CFAP99: variants seen among roughly 807,000 people sequenced by gnomAD.
CFAP99 encodes cilia and flagella associated protein 99.
Under a neutral mutation model 82.7 loss-of-function variants are expected in CFAP99, and 84 were observed. The ratio of observed to expected loss-of-function variants is 1.02; its 90% CI spans 0.85 to 1.22. The LOEUF is 1.22. Among genes scored for constraint, CFAP99 ranks in the 50% most tolerant of loss-of-function variants. The pLI is 0.00. For synonymous variants in CFAP99, 456 were observed against 429.5 expected, an observed-to-expected ratio of 1.06 and a Z score of -0.76; for missense variants, 1,059 against 983.5, an observed-to-expected ratio of 1.08 and a Z score of -1.03.
At chr4:2,425,089 T>C (rs1161828559) in intron 1 of CFAP99, among the ~76,000 whole-genome samples, 2 of 152,250 alleles carry the variant, frequency 1.3e-5, no homozygotes, top group African/African-American at 4.8e-5. Context: ...TTTATGTTTT[T>C]AGTTCTGTCA....
At chr4:2,461,715 CAA>C (rs1250042227) in intron 14 of CFAP99, among the ~76,000 whole-genome samples, 1 of 152,134 alleles carries the variant, frequency 6.6e-6, no homozygotes, top group Non-Finnish European at 1.5e-5. Flanking sequence ...GACAGTCAGA[CAA>C]GAGTGGTGGA....
rs576368820 is a variant in CFAP99 at position 2,457,206 on chromosome 4, G to A, written c.1162-1517G>A. Among the ~76,000 whole-genome samples, 134 of 152,130 alleles carry A rather than the reference G, an allele frequency of 8.8e-4. 1 individual carries two copies. The highest frequency in any genetic ancestry group is 7.7e-3 in the Admixed American group (118 of 15,288). On this transcript the variant is annotated intron_variant, in intron 11 of 14. Transcript: ENST00000635017. ...AATCCTCCCCCCTCAGCTTCCCCAC[G>A]CGCTGGGATTACAAGCGTGAGCCGC...
intron 2 of CFAP99, among the ~76,000 whole-genome samples, chr4:2,429,976 C>G (rs1733767271): frequency 6.6e-6 from 1 of 152,236 alleles, no homozygotes; most frequent in African/African-American, 2.4e-5. Flanking sequence ...TCGCTTTCCT[C>G]TCCAGCTATC....
At chr4:2,426,183 G>C (rs1452884334) in intron 1 of CFAP99, among the ~76,000 whole-genome samples, 1 of 152,140 alleles carries the variant, frequency 6.6e-6, no homozygotes, top group Non-Finnish European at 1.5e-5. Flanking sequence ...GGGGTGACCT[G>C]ATGGTGAACT....
At chr4:2,459,453 G>A (rs929321584) in intron 13 of CFAP99, among the ~76,000 whole-genome samples, 195 bp downstream of exon 13, 7 of 152,198 alleles carry the variant, frequency 4.6e-5, no homozygotes, top group African/African-American at 4.8e-5. Flanking sequence ...ACAAGCCTGC[G>A]GGCAAGGCAC....
exon 13 of CFAP99, chr4:2,459,237 C>T (rs1734517194): frequency 6.5e-7 from 1 of 1,534,898 alleles, no homozygotes. Context: ...CGCGCAAGGG[C>T]AAGCTCGTGG....
chr4:2,455,255 G>T (rs1360896906), intron 11 of CFAP99, among the ~76,000 whole-genome samples: 1 of 152,238 alleles, frequency 6.6e-6, no homozygotes, highest in Non-Finnish European at 1.5e-5. Flanking sequence ...GTTGCAGATT[G>T]CTTTTTTTCC....
intron 2 of CFAP99, among the ~76,000 whole-genome samples, chr4:2,432,217 C>T (rs1733814479): frequency 6.6e-6 from 1 of 152,128 alleles, no homozygotes; most frequent in African/African-American, 2.4e-5. Flanking sequence ...CATCTATATC[C>T]CAGGTGAGGA....
exon 3 of CFAP99, chr4:2,436,924 C>T (rs1198006606): frequency 5.2e-6 from 8 of 1,535,932 alleles, no homozygotes; most frequent in Middle Eastern, 3.3e-4. Flanking sequence ...TGTCTGGGTG[C>T]CTCGAGTACC....
intron 2 of CFAP99, among the ~76,000 whole-genome samples, chr4:2,430,586 C>T (rs965843613): frequency 9.9e-5 from 15 of 152,096 alleles, no homozygotes; most frequent in African/African-American, 2.9e-4. Context: ...TGGCAGACTC[C>T]GGACAGCAGA....
intron 1 of CFAP99, among the ~76,000 whole-genome samples, chr4:2,425,616 C>A (rs1271015812): frequency 6.6e-6 from 1 of 152,146 alleles, no homozygotes; most frequent in Non-Finnish European, 1.5e-5. Flanking sequence ...GAGAAGGGCC[C>A]CCCTCTGCCC....
chr4:2,438,028 C>T, intron 3 of CFAP99, 42 bp from the exon 4 acceptor site: 1 of 1,200,844 alleles, frequency 8.3e-7, no homozygotes. Context: ...GCCTGGTGCC[C>T]CGTGACGTCC....
At chr4:2,447,356 G>A (rs1468272971) in intron 6 of CFAP99, among the ~76,000 whole-genome samples, 1 of 152,002 alleles carries the variant, frequency 6.6e-6, no homozygotes, top group Non-Finnish European at 1.5e-5. Flanking sequence ...GTGGATGGGT[G>A]GATGGATGGA....
At position 2,458,873 on chromosome 4, in the gene CFAP99, G is replaced by A; in HGVS notation, c.1303+9G>A. ...GGGCCGACAGCAGACAGGTAGTCAG[G>A]AGCCAGATGTCACTGGCCCTACCCC... On this transcript the variant is annotated intron_variant, in intron 12 of 14. Coordinates refer to ENST00000635017, the Ensembl canonical transcript of CFAP99. 1 of 1,532,820 alleles carries A rather than the reference G, an allele frequency of 6.5e-7. No homozygotes were observed. The highest frequency in any genetic ancestry group is 8.7e-7 in the Non-Finnish European group (1 of 1,145,354). 95.0% of individuals were successfully genotyped at this position (1,532,820 alleles called of 1,614,324 possible). A position where few individuals can be genotyped will look rare whatever the true frequency, so the allele number is the denominator to read the frequency against.
At chr4:2,452,166 T>C (rs1164609471) in exon 11 of CFAP99, 4 of 1,536,134 alleles carry the variant, frequency 2.6e-6, no homozygotes, top group South Asian at 1.2e-5. Context: ...TGGATGGGGC[T>C]GGGGACTTCT....
intron 6 of CFAP99, among the ~76,000 whole-genome samples, chr4:2,447,730 A>G (rs977221387): frequency 2.1e-5 from 3 of 144,786 alleles, no homozygotes; most frequent in African/African-American, 7.7e-5. Context: ...GAGTGAATGG[A>G]TGATCAGATG....
At chr4:2,434,760 C>A (rs1192394513) in intron 2 of CFAP99, among the ~76,000 whole-genome samples, 2 of 152,246 alleles carry the variant, frequency 1.3e-5, no homozygotes. Flanking sequence ...AAGTGTATAT[C>A]TTGTTAGCAG....
intron 11 of CFAP99, among the ~76,000 whole-genome samples, chr4:2,453,816 A>ATT (rs34930865): frequency 2.9e-4 from 39 of 132,540 alleles, no homozygotes; most frequent in Non-Finnish European, 4.5e-4. Context: ...ATATAACATG[A>ATT]TTTTTTTTTT....
At chr4:2,421,349 C>G (rs559239939) in intron 1 of CFAP99, among the ~76,000 whole-genome samples, 1,395 of 91,442 alleles carry the variant, frequency 0.015, 11 homozygotes, top group Admixed American at 0.022. Context: ...GTCTGCCCAC[C>G]CTTTTTTTTT....
Sources: gnomAD v4.1 joint callset for allele counts (sites outside exome capture counted in the v4.1 genomes callset) on GRCh38, gnomAD v4.1.1 for gene constraint, MANE v1.5 for transcripts, NCBI Gene and HGNC (gene_info 2026-07-23, HGNC 2026-07-21) for gene names.